GUCY2C: variants seen among roughly 807,000 people sequenced by gnomAD.
GUCY2C encodes guanylyl cyclase C.
In GUCY2C, 118 loss-of-function variants were observed where a neutral mutation model predicts 131.1. The observed-to-expected ratio is 0.90, with a 90% CI of 0.78 to 1.05. GUCY2C has a LOEUF of 1.05. Ranked by LOEUF, GUCY2C falls within the 50% of genes least tolerant of loss-of-function variation. GUCY2C has a pLI of 0.00. For synonymous variants in GUCY2C, 452 were observed against 457.8 expected, an observed-to-expected ratio of 0.99 and a Z score of 0.16; for missense variants, 1,161 against 1,304.4, an observed-to-expected ratio of 0.89 and a Z score of 1.69.
intron 10 of GUCY2C, among the ~76,000 whole-genome samples, chr12:14,662,149 A>C (rs1947880538): frequency 6.6e-6 from 1 of 152,092 alleles, no homozygotes; most frequent in South Asian, 2.1e-4. Context: ...AATAGACAGA[A>C]TGTGTAAGAA....
At position 14,648,186 on chromosome 12, in the gene GUCY2C, T is replaced by C. The variant is rs182949728; in HGVS notation, c.1711-2871A>G. On this transcript the variant is annotated intron_variant, in intron 15 of 26. Transcript: ENST00000261170. ...TATGTTGGCCAGGCTGGTCTCGAAC[T>C]CCTGACCTCGTGTCCCACCCGCCTC... Among the ~76,000 whole-genome samples, 225 of 151,672 alleles carry C rather than the reference T, an allele frequency of 1.5e-3. 3 individuals carry two copies. The South Asian group carries it at 0.021, about 14-fold the overall frequency.
Position 14,661,032 on chromosome 12 carries a change from G to T in GUCY2C, c.1313C>A (p.Thr438Asn). 1 of 1,613,138 alleles carries T rather than the reference G, an allele frequency of 6.2e-7. No individual in the cohort carries two copies. Among genetic ancestry groups the T allele is most frequent in the Non-Finnish European group, 8.5e-7 (1 of 1,179,094 alleles). ...GPQILMIAVF[T>N]LTGAVVLLLL... ...GAGCAGCACCACAGCTCCAGTGAGG[G>T]TGAAGACTGCAATCATCAGGATCTG... The change falls in exon 11 of 27, where the codon ACC becomes AAC. Residue 438 changes from threonine (T) to asparagine (N), a missense_variant. Physicochemically the swap from Thr to Asn is moderately conservative, Grantham distance 65. Transcript: ENST00000261170.
At chr12:14,648,182 G>C (rs375648585) in intron 15 of GUCY2C, among the ~76,000 whole-genome samples, 1 of 151,204 alleles carries the variant, frequency 6.6e-6, no homozygotes, top group Admixed American at 6.6e-5. Flanking sequence ...GGCTGGTCTC[G>C]AACTCCTGAC....
At chr12:14,659,537 A>G (rs138747156) in intron 11 of GUCY2C, among the ~76,000 whole-genome samples, 1 of 152,306 alleles carries the variant, frequency 6.6e-6, no homozygotes, top group Non-Finnish European at 1.5e-5. Context: ...CTAAGCAGAA[A>G]TGATTATTCT....
chr12:14,673,502 A>C (rs910103095), intron 8 of GUCY2C, among the ~76,000 whole-genome samples: 1 of 152,222 alleles, frequency 6.6e-6, no homozygotes, highest in Non-Finnish European at 1.5e-5. Flanking sequence ...ATAACAATGA[A>C]CATTTATTTC....
At chr12:14,677,033 G>T in intron 6 of GUCY2C, 62 bp from the exon 7 acceptor site, 1 of 532,150 alleles carries the variant, frequency 1.9e-6, no homozygotes, top group Non-Finnish European at 3.4e-6. Context: ...ATCTTCTATA[G>T]TTCACACAAA....
Position 14,643,635 on chromosome 12 carries a change from G to C in GUCY2C, c.1869C>G (p.Asp623Glu). The C allele has an allele frequency of 6.2e-7, 1 of 1,612,932 alleles. No homozygotes were observed. Among genetic ancestry groups the C allele is most frequent in the Non-Finnish European group, 8.5e-7 (1 of 1,178,972 alleles). The change falls in exon 17 of 27, where the codon GAC becomes GAG. Residue 623 changes from aspartate (D) to glutamate (E), a missense_variant. By Grantham distance (45) the Asp-to-Glu change is conservative. Transcript: ENST00000261170. ...CAGTGATCTTCACCACCATTCTACT[G>C]TCCACTACGCAGTTGGTAGATTTCA... is the stretch of plus-strand genomic sequence containing the variant. ...GRLKSTNCVV[D>E]SRMVVKITDF...
chr12:14,678,274 G>C (rs1443725446), intron 6 of GUCY2C, among the ~76,000 whole-genome samples: 3 of 152,180 alleles, frequency 2.0e-5, no homozygotes, highest in Admixed American at 2.0e-4. Flanking sequence ...AAAAATCCAA[G>C]AGTCAAAACA....
chr12:14,643,525 G>GA lies in GUCY2C; in HGVS notation c.1930+48dup, dbSNP rs199909168. 3,272 of 1,556,102 alleles carry GA rather than the reference G, an allele frequency of 2.1e-3. 25 individuals are homozygous for GA. Among genetic ancestry groups the GA allele is most frequent in the South Asian group, 0.017 (1,477 of 88,808 alleles). ...TTTCCTGACCACGCTACATGGGTTT[G>GA]AAAAAAAAATCAGTTAGGAAACTAG... On this transcript the variant is annotated intron_variant, in intron 17 of 26. Coordinates refer to ENST00000261170, the MANE Select transcript of GUCY2C (RefSeq NM_004963.4).
Position 14,696,397 on chromosome 12 carries a change from C to CG in GUCY2C, c.51dup (p.Gly18ArgfsTer6), listed in dbSNP as rs774667505. The CG allele has an allele frequency of 2.2e-5, 36 of 1,613,968 alleles. No individual in the cohort carries two copies. The highest frequency in any genetic ancestry group is 1.6e-4 in the Middle Eastern group (1 of 6,068). ...ACCTGGGAACTAAAGGACAGCCACC[C>CG]GGGCTGGAAGAGCAGTGACCACAAA... On this transcript the variant is annotated frameshift_variant, in exon 1 of 27. Coordinates refer to ENST00000261170, the MANE Select transcript of GUCY2C (RefSeq NM_004963.4). LOFTEE classifies it high-confidence loss of function.
chr12:14,682,018 G>C (rs1948356889), intron 4 of GUCY2C, among the ~76,000 whole-genome samples: 1 of 152,114 alleles, frequency 6.6e-6, no homozygotes, highest in Non-Finnish European at 1.5e-5. Flanking sequence ...TGCATCCCTG[G>C]TGGTATCCCA....
Position 14,652,011 on chromosome 12 carries a change from A to G in GUCY2C, c.1553T>C (p.Leu518Pro). The change falls in exon 14 of 27, where the codon CTC becomes CCC. Residue 518 changes from leucine to proline, a missense_variant. By Grantham distance (98) the Leu-to-Pro change is moderately conservative. Transcript: ENST00000261170. The stretch of plus-strand genomic sequence containing the variant: ...AGTGAAATTACCATCATTGTGCTTG[A>G]GATCTTTGAGAATCACTCGCTGCAA... ...YDKKRVILKD[L>P]KHNDGNFTEK... 1.9e-6 allele frequency: 3 copies of G among 1,600,992 alleles called. No homozygotes were observed. The highest frequency in any genetic ancestry group is 2.6e-6 in the Non-Finnish European group (3 of 1,168,552).
intron 15 of GUCY2C, among the ~76,000 whole-genome samples, chr12:14,650,978 C>T (rs1947644552): frequency 2.6e-5 from 4 of 152,108 alleles, no homozygotes. Context: ...CTGACCTCAT[C>T]TGGCAACTCC....
chr12:14,615,016 T>C (rs2136967173), intron 25 of GUCY2C, 73 bp from the exon 26 acceptor site: 1 of 715,370 alleles, frequency 1.4e-6, no homozygotes, highest in African/African-American at 1.9e-5. Flanking sequence ...GTTTCCATAA[T>C]GATCTGTTTC....
chr12:14,627,551 A>C lies in GUCY2C; in HGVS notation c.2249+1095T>G, dbSNP rs117840603. Among the ~76,000 whole-genome samples, 187 of 152,290 alleles carry C rather than the reference A, an allele frequency of 1.2e-3. 5 individuals are homozygous for C. In the East Asian group the frequency reaches 0.019, roughly 15 times the overall value. On this transcript the variant is annotated intron_variant, in intron 20 of 26. Coordinates refer to ENST00000261170, the MANE Select transcript of GUCY2C (RefSeq NM_004963.4). ...ATTTTAATCACCTGGGAGCTATTAA[A>C]AATCCTGACACCTGTATGTACCCCA...
intron 8 of GUCY2C, among the ~76,000 whole-genome samples, chr12:14,673,439 A>G (rs994661164): frequency 2.6e-5 from 4 of 152,138 alleles, no homozygotes; most frequent in Admixed American, 6.5e-5. Flanking sequence ...ATATAAGATA[A>G]AACTATTTAG....
intron 15 of GUCY2C, among the ~76,000 whole-genome samples, chr12:14,650,687 T>C (rs1301284703): frequency 1.3e-5 from 2 of 152,224 alleles, no homozygotes; most frequent in Admixed American, 6.5e-5. Context: ...CCTTCTGCAA[T>C]ACAGCAAATG....
Position 14,669,739 on chromosome 12 carries a change from T to A in GUCY2C, c.1265A>T (p.Asn422Ile), listed in dbSNP as rs1426702232. The A allele has an allele frequency of 1.3e-6, 2 of 1,564,582 alleles. No individual in the cohort carries two copies. The highest frequency in any genetic ancestry group is 2.3e-5 in the South Asian group (2 of 88,852). ...TFTWKNSKLP[N>I]DITGRGPQIL... is the part of the protein sequence containing the mutation. ...TATCTTACCCCGGCCTGTAATATCA[T>A]TAGGAAGTTTAGAGTTCTTCCAAGT... The change falls in exon 10 of 27, where the codon AAT becomes ATT. Residue 422 changes from asparagine (N) to isoleucine (I), a missense_variant. Physicochemically the swap from Asn to Ile is moderately radical, Grantham distance 149. Coordinates refer to ENST00000261170, the MANE Select transcript of GUCY2C (RefSeq NM_004963.4).
rs1363993954 is a variant in GUCY2C at position 14,641,112 on chromosome 12, A to G, written c.2038T>C (p.Phe680Leu). The G allele has an allele frequency of 6.2e-7, 1 of 1,613,714 alleles. No individual in the cohort carries two copies. The highest frequency in any genetic ancestry group is 8.5e-7 in the Non-Finnish European group (1 of 1,179,888). ...CGGTCCCGACAGCTCAAAGTGTAGA[A>G]GGTTTCTTTCCGCAGGATGATCTCC... ...AQEIILRKET[F>L]YTLSCRDRNE... Residue 680 changes from phenylalanine to leucine, a missense_variant, in exon 18 of 27, where the codon TTC (phenylalanine) becomes CTC (leucine). Transcript: ENST00000261170.
Sources: allele counts gnomAD v4.1 joint callset (sites outside exome capture counted in the v4.1 genomes callset), GRCh38; gene constraint gnomAD v4.1.1; transcripts MANE v1.5; gene names NCBI Gene and HGNC (gene_info 2026-07-23, HGNC 2026-07-21).